PTPRD: variants seen among roughly 807,000 people sequenced by gnomAD.
The protein encoded by PTPRD is protein tyrosine phosphatase receptor type D, also known as receptor-type tyrosine-protein phosphatase delta.
A neutral mutation model predicts 214.5 loss-of-function variants in PTPRD; 34 were observed. That is an observed-to-expected ratio of 0.16 (90% CI 0.12 to 0.21). The LOEUF (loss-of-function observed/expected upper bound fraction) is 0.21, where lower values mean the gene tolerates loss of function less well. PTPRD is among the 10% of genes least tolerant of loss of function. PTPRD has a pLI of 1.00. For synonymous variants in PTPRD, 1,128 were observed against 845.7 expected, an observed-to-expected ratio of 1.33 and a Z score of -5.79; for missense variants, 2,545 against 2,398.7, an observed-to-expected ratio of 1.06 and a Z score of -1.27.
chr9:10,284,034 A>C (rs2095254344), intron 3 of PTPRD, among the ~76,000 whole-genome samples: 1 of 152,134 alleles, frequency 6.6e-6, no homozygotes, highest in Admixed American at 6.5e-5. Flanking sequence ...TGAAAAAGAA[A>C]TAATTTAGAC....
At chr9:9,013,307 A>G (rs1048676091) in intron 11 of PTPRD, among the ~76,000 whole-genome samples, 5 of 152,092 alleles carry the variant, frequency 3.3e-5, no homozygotes, top group South Asian at 2.1e-4. Flanking sequence ...TGATGGGCAA[A>G]ATAAATGCGC....
At chr9:9,829,324 C>T (rs1397668135) in intron 5 of PTPRD, among the ~76,000 whole-genome samples, 1 of 151,684 alleles carries the variant, frequency 6.6e-6, no homozygotes, top group Non-Finnish European at 1.5e-5. Context: ...AAGAACTGAT[C>T]TGTGATAAAT....
chr9:10,500,549 C>T (rs944775206), intron 2 of PTPRD, among the ~76,000 whole-genome samples: 2 of 151,830 alleles, frequency 1.3e-5, no homozygotes, highest in East Asian at 3.9e-4. Flanking sequence ...GTTTTACAAA[C>T]AATCTAACTA....
chr9:9,075,649 G>A (rs1000670854), intron 10 of PTPRD, among the ~76,000 whole-genome samples: 2 of 152,104 alleles, frequency 1.3e-5, no homozygotes, highest in African/African-American at 2.4e-5. Flanking sequence ...CTGTGAGTGA[G>A]AACATGCGGT....
intron 5 of PTPRD, among the ~76,000 whole-genome samples, chr9:9,888,010 A>C (rs912925928): frequency 2.0e-5 from 3 of 152,170 alleles, no homozygotes; most frequent in African/African-American, 7.2e-5. Flanking sequence ...ACGAAGGGCA[A>C]GACAATGACC....
chr9:9,888,921 C>T (rs913927538), intron 5 of PTPRD, among the ~76,000 whole-genome samples: 2 of 152,066 alleles, frequency 1.3e-5, no homozygotes, highest in Non-Finnish European at 2.9e-5. Context: ...AAGGCAAACC[C>T]TAACTGTTTA....
intron 2 of PTPRD, among the ~76,000 whole-genome samples, chr9:10,537,110 A>G (rs2057995508): frequency 6.6e-6 from 1 of 152,196 alleles, no homozygotes; most frequent in South Asian, 2.1e-4. Flanking sequence ...TCTAAAAACT[A>G]TAGGACTATT....
chr9:8,716,915 G>A (rs1217946403), intron 12 of PTPRD, among the ~76,000 whole-genome samples: 4 of 152,066 alleles, frequency 2.6e-5, no homozygotes, highest in African/African-American at 7.2e-5. Flanking sequence ...ATTTTAGGCT[G>A]GGCACTCTGG....
At chr9:8,672,845 G>GT (rs1181094445) in intron 12 of PTPRD, among the ~76,000 whole-genome samples, 1 of 148,206 alleles carries the variant, frequency 6.7e-6, no homozygotes, top group African/African-American at 2.5e-5. Flanking sequence ...TGTACTCTGT[G>GT]TGGGGGGGGT....
intron 11 of PTPRD, among the ~76,000 whole-genome samples, chr9:8,911,174 C>T (rs1242735841): frequency 6.6e-6 from 1 of 152,064 alleles, no homozygotes; most frequent in Non-Finnish European, 1.5e-5. Context: ...AAAAGAACAA[C>T]AAAGTTGAAG....
intron 10 of PTPRD, among the ~76,000 whole-genome samples, chr9:9,053,861 A>T (rs1313575528): frequency 1.3e-5 from 2 of 152,190 alleles, no homozygotes; most frequent in Admixed American, 6.5e-5. Context: ...ATCTTTTGTT[A>T]TGGATTGAAG....
chr9:9,346,233 A>C (rs370372560), intron 9 of PTPRD, among the ~76,000 whole-genome samples: 51 of 152,302 alleles, frequency 3.3e-4, no homozygotes, highest in African/African-American at 1.2e-3. Flanking sequence ...GACATTTATC[A>C]TAGAAAAAAG....
chr9:9,375,267 T>C (rs2140033537), intron 9 of PTPRD, among the ~76,000 whole-genome samples: 1 of 152,272 alleles, frequency 6.6e-6, no homozygotes, highest in South Asian at 2.1e-4. Context: ...AATGAAATGT[T>C]GTGCAGGTAT....
At chr9:8,650,720 A>C (rs192137944) in intron 12 of PTPRD, among the ~76,000 whole-genome samples, 12 of 152,284 alleles carry the variant, frequency 7.9e-5, no homozygotes, top group Admixed American at 2.0e-4. Context: ...TCATATTCTA[A>C]GTTTATAAGG....
intron 8 of PTPRD, among the ~76,000 whole-genome samples, chr9:9,423,458 C>G (rs1420070703): frequency 1.3e-5 from 2 of 152,140 alleles, no homozygotes; most frequent in Non-Finnish European, 2.9e-5. Flanking sequence ...GAATAAATTC[C>G]TGTTGTTAAA....
At chr9:8,487,622 C>T (rs973494636) in intron 27 of PTPRD, among the ~76,000 whole-genome samples, 1 of 151,982 alleles carries the variant, frequency 6.6e-6, no homozygotes, top group Non-Finnish European at 1.5e-5. Context: ...ACCAGCCTGA[C>T]CAACATGGAG....
chr9:9,175,630 A>C lies in PTPRD; in HGVS notation c.-143+7674T>G, dbSNP rs924337492. On this transcript the variant is annotated intron_variant, in intron 10 of 45. Transcript: ENST00000381196. ...AGAGTGAGACTCTGTCTCAAAAAAAAAAAAAAAAAAAAAAAAAAAAGAGTT... is the reference window on the plus strand; with the variant it reads ...AGAGTGAGACTCTGTCTCAAAAAAACAAAAAAAAAAAAAAAAAAAAGAGTT... Among the ~76,000 whole-genome samples, 57 of 141,774 alleles carry C rather than the reference A, an allele frequency of 4.0e-4. 2 individuals carry two copies. The highest frequency in any genetic ancestry group is 1.2e-3 in the African/African-American group (45 of 38,016). 93.0% of individuals were successfully genotyped at this position (141,774 alleles called of 152,430 possible).
chr9:9,159,366 G>T (rs1483420046), intron 10 of PTPRD, among the ~76,000 whole-genome samples: 2 of 152,076 alleles, frequency 1.3e-5, no homozygotes, highest in African/African-American at 2.4e-5. Context: ...TATCATTGTT[G>T]CAGGATATAA....
chr9:9,696,654 A>C (rs1014697746), intron 7 of PTPRD, among the ~76,000 whole-genome samples: 1 of 152,142 alleles, frequency 6.6e-6, no homozygotes, highest in Non-Finnish European at 1.5e-5. Flanking sequence ...TGCATAAACT[A>C]TCTTATTCCC....
Sources: gnomAD v4.1 joint callset for allele counts (sites outside exome capture counted in the v4.1 genomes callset) on GRCh38, gnomAD v4.1.1 for gene constraint, MANE v1.5 for transcripts, NCBI Gene and HGNC (gene_info 2026-07-23, HGNC 2026-07-21) for gene names.